Variants in GNG2 observed in about 807,000 individuals in gnomAD.
GNG2 encodes the protein guanine nucleotide-binding protein G(I)/G(S)/G(O) subunit gamma-2.
GNG2 carries 5 observed loss-of-function variants against 5.5 expected under a neutral mutation model. The ratio of observed to expected loss-of-function variants is 0.91; its 90% CI spans 0.48 to 1.92. GNG2 has a LOEUF of 1.92. Among genes scored for constraint, GNG2 ranks in the 30% most tolerant of loss-of-function variants. The pLI, the probability that GNG2 is intolerant of heterozygous loss-of-function variation, is 0.01. For synonymous variants in GNG2, 28 were observed against 32.0 expected, an observed-to-expected ratio of 0.88 and a Z score of 0.42; for missense variants, 55 against 88.4, an observed-to-expected ratio of 0.62 and a Z score of 1.52.
intron 3 of GNG2, among the ~76,000 whole-genome samples, chr14:51,963,474 G>A (rs1181249531): frequency 6.6e-6 from 1 of 152,138 alleles, no homozygotes; most frequent in East Asian, 1.9e-4. Flanking sequence ...AATGACTATC[G>A]CTCAAACAAG....
intron 2 of GNG2, among the ~76,000 whole-genome samples, chr14:51,902,149 TTTCTAA>T (rs1194415013): frequency 6.6e-6 from 1 of 152,152 alleles, no homozygotes. Flanking sequence ...ATATTTTATC[TTTCTAA>T]TTATTAAATA....
chr14:51,946,739 G>A (rs933178527), intron 2 of GNG2, among the ~76,000 whole-genome samples: 6 of 152,042 alleles, frequency 3.9e-5, no homozygotes, highest in Non-Finnish European at 5.9e-5. Context: ...GGCCTGTGGA[G>A]ATCCCCCACT....
rs1265280300 is a variant in GNG2 at position 51,969,330 on chromosome 14, A to C, written c.*2643A>C. 6.6e-6 allele frequency: 1 copy of C among 152,002 alleles called. No individual in the cohort carries two copies. Among genetic ancestry groups the C allele is most frequent in the Non-Finnish European group, 1.5e-5 (1 of 68,024 alleles). The allele number at this position is 152,002 out of a possible 1,614,324, so 9.4% of individuals were successfully genotyped here. A position where few individuals can be genotyped will look rare whatever the true frequency, so the allele number is the denominator to read the frequency against. ...CCTCAATATCAACTCCAGTTTAAAA[A>C]GTGTTATTTTTAAAACATTTGAAAC... is the stretch of plus-strand genomic sequence containing the variant. On this transcript the variant is annotated 3_prime_UTR_variant, in exon 4 of 4. Transcript: ENST00000556766.
intron 2 of GNG2, among the ~76,000 whole-genome samples, chr14:51,832,028 C>T (rs557140070): frequency 7.9e-4 from 120 of 152,024 alleles, no homozygotes; most frequent in Non-Finnish European, 1.5e-3. Flanking sequence ...ACCTGTAATC[C>T]AAGCACTTTA....
intron 2 of GNG2, among the ~76,000 whole-genome samples, chr14:51,928,174 C>T (rs888153265): frequency 2.0e-5 from 3 of 151,814 alleles, no homozygotes; most frequent in Admixed American, 6.6e-5. Context: ...GGATTACAGG[C>T]GTGCAACACC....
chr14:51,878,774 C>G (rs1237057293), intron 2 of GNG2, among the ~76,000 whole-genome samples: 7 of 152,144 alleles, frequency 4.6e-5, no homozygotes, highest in Admixed American at 1.3e-4. Context: ...TTTTGCTGCC[C>G]TATAGTCAAG....
intron 1 of GNG2, chr14:51,861,348 C>T (rs980666273): frequency 6.6e-6 from 1 of 152,316 alleles, no homozygotes; most frequent in Admixed American, 6.5e-5. Context: ...TCAGCTTGTG[C>T]AGCTGCTTTC....
intron 3 of GNG2, among the ~76,000 whole-genome samples, chr14:51,956,729 C>T (rs937046012): frequency 4.6e-5 from 7 of 152,142 alleles, no homozygotes; most frequent in East Asian, 1.9e-4. Flanking sequence ...GGCAATTTCC[C>T]GTGTGTATAG....
At chr14:51,886,143 AAG>A (rs2140150483) in intron 2 of GNG2, among the ~76,000 whole-genome samples, 1 of 152,344 alleles carries the variant, frequency 6.6e-6, no homozygotes, top group African/African-American at 2.4e-5. Flanking sequence ...ATATGCAAAA[AAG>A]GTTGATGTCA....
At chr14:51,853,014 T>C (rs1303049776) in intron 2 of GNG2, among the ~76,000 whole-genome samples, 1 of 152,238 alleles carries the variant, frequency 6.6e-6, no homozygotes, top group East Asian at 1.9e-4. Flanking sequence ...ATTTCCCCCC[T>C]TGCTACATCC....
At chr14:51,904,171 C>A (rs1477063298) in intron 2 of GNG2, among the ~76,000 whole-genome samples, 1 of 152,142 alleles carries the variant, frequency 6.6e-6, no homozygotes, top group Non-Finnish European at 1.5e-5. Context: ...CGACACCTGA[C>A]CCTGGGTGCT....
intron 2 of GNG2, among the ~76,000 whole-genome samples, chr14:51,930,778 C>T (rs12434038): frequency 0.076 from 11,523 of 152,114 alleles, 777 homozygotes; most frequent in East Asian, 0.32. Context: ...TTGTGAGGGG[C>T]TCAGGAAGCT....
At chr14:51,937,623 ATTTT>A (rs60571273) in intron 2 of GNG2, among the ~76,000 whole-genome samples, 5 of 133,614 alleles carry the variant, frequency 3.7e-5, no homozygotes, top group African/African-American at 1.5e-4. Context: ...GAAATACATA[ATTTT>A]TTTTTTTTTT....
At chr14:51,867,710 A>G (rs1423850336) in intron 1 of GNG2, among the ~76,000 whole-genome samples, 3 of 152,156 alleles carry the variant, frequency 2.0e-5, no homozygotes, top group Non-Finnish European at 4.4e-5. Flanking sequence ...TTGTCCCCAC[A>G]GTCTTACTTC....
intron 2 of GNG2, among the ~76,000 whole-genome samples, chr14:51,834,964 A>G (rs1259932661): frequency 6.6e-6 from 1 of 152,230 alleles, no homozygotes; most frequent in East Asian, 1.9e-4. Context: ...ATTCAGTGCT[A>G]AAAGAGCCGA....
intron 3 of GNG2, among the ~76,000 whole-genome samples, chr14:51,960,553 G>T (rs1433845987): frequency 7.7e-6 from 1 of 129,216 alleles, no homozygotes. Flanking sequence ...ATCTTGTGTT[G>T]ATTTATTCTA....
At chr14:51,836,290 A>G (rs977717923) in intron 2 of GNG2, among the ~76,000 whole-genome samples, 4 of 152,074 alleles carry the variant, frequency 2.6e-5, no homozygotes, top group African/African-American at 9.7e-5. Flanking sequence ...TAGTGGGGGA[A>G]TGAAAACACC....
intron 2 of GNG2, among the ~76,000 whole-genome samples, chr14:51,931,575 A>C (rs866687754): frequency 2.0e-5 from 3 of 152,166 alleles, no homozygotes; most frequent in Non-Finnish European, 4.4e-5. Context: ...GTCAACATAC[A>C]AGAATAAAGT....
chr14:51,830,830 A>G (rs1881168138), intron 2 of GNG2, among the ~76,000 whole-genome samples: 1 of 152,206 alleles, frequency 6.6e-6, no homozygotes, highest in Admixed American at 6.5e-5. Context: ...CTTTTCTAAC[A>G]TGAGATTATG....
Sources: allele counts gnomAD v4.1 joint callset (sites outside exome capture counted in the v4.1 genomes callset), GRCh38; gene constraint gnomAD v4.1.1; transcripts MANE v1.5; gene names NCBI Gene and HGNC (gene_info 2026-07-23, HGNC 2026-07-21).